Variants in HTR1F observed in about 807,000 individuals in gnomAD.
HTR1F encodes the protein 5-hydroxytryptamine receptor 1F.
In HTR1F, 17 loss-of-function variants were observed where a neutral mutation model predicts 24.0. The observed-to-expected ratio is 0.71, with a 90% CI of 0.48 to 1.06. The LOEUF is 1.06. Among genes scored for constraint, HTR1F ranks in the 50% least tolerant of loss-of-function variants. The probability of loss-of-function intolerance (pLI) is 0.00; values close to 1 mark genes in which losing one functional copy is unlikely to be tolerated. For synonymous variants in HTR1F, 186 were observed against 156.8 expected, an observed-to-expected ratio of 1.19 and a Z score of -1.39; for missense variants, 391 against 427.8, an observed-to-expected ratio of 0.91 and a Z score of 0.76.
chr3:87,912,633 C>CAAAAAAAAAA (rs35147140), intron 2 of HTR1F, among the ~76,000 whole-genome samples: 1 of 84,492 alleles, frequency 1.2e-5, no homozygotes, highest in Non-Finnish European at 2.3e-5. Context: ...CAATCCTAGG[C>CAAAAAAAAAA]AAAAAAAAAA....
intron 2 of HTR1F, among the ~76,000 whole-genome samples, chr3:87,919,268 T>C (rs1025570997): frequency 2.0e-5 from 3 of 151,938 alleles, no homozygotes; most frequent in Admixed American, 1.3e-4. Context: ...ACTATAAAAA[T>C]CCTAGAAGAT....
intron 2 of HTR1F, among the ~76,000 whole-genome samples, chr3:87,860,117 T>C (rs1298582442): frequency 6.6e-6 from 1 of 152,132 alleles, no homozygotes; most frequent in Non-Finnish European, 1.5e-5. Context: ...GATATAGAAT[T>C]TTGCTGAGAA....
At chr3:87,849,404 T>A (rs1705027750) in intron 2 of HTR1F, among the ~76,000 whole-genome samples, 1 of 151,830 alleles carries the variant, frequency 6.6e-6, no homozygotes, top group Non-Finnish European at 1.5e-5. Context: ...TGGCTAGCCA[T>A]ATGTAGAAAG....
intron 2 of HTR1F, among the ~76,000 whole-genome samples, chr3:87,905,877 C>G (rs1703657063): frequency 1.3e-5 from 2 of 151,812 alleles, no homozygotes; most frequent in South Asian, 4.1e-4. Context: ...TGATAAACTG[C>G]AAGGAAATAT....
Position 87,842,575 on chromosome 3 carries a change from T to C in HTR1F, c.-43+20451T>C, listed in dbSNP as rs990388165. Among the ~76,000 whole-genome samples the C allele has an allele frequency of 2.8e-4, 43 of 152,010 alleles. 1 individual carries two copies. Among genetic ancestry groups the C allele is most frequent in the African/African-American group, 9.0e-4 (37 of 41,338 alleles). ...ATTAAGTTTCAATAAAATAATTTCC[T>C]GGGGAAAAAAACCGTCTTAAATAAT... On this transcript the variant is annotated intron_variant, in intron 2 of 2. Transcript: ENST00000319595.
chr3:87,993,467 G>A lies in HTR1F; in HGVS notation c.*1617G>A, dbSNP rs373541649. On this transcript the variant is annotated 3_prime_UTR_variant, in exon 3 of 3. Coordinates refer to ENST00000319595, the MANE Select transcript of HTR1F (RefSeq NM_001322209.2). ...AAGTTGTTTACACAGTTATGATGGT[G>A]CAGAGGAAAAACTGATCGCATCTTG... is the stretch of plus-strand genomic sequence containing the variant. The A allele has an allele frequency of 5.4e-5, 9 of 167,030 alleles. No individual in the cohort carries two copies. Among genetic ancestry groups the A allele is most frequent in the African/African-American group, 1.4e-4 (6 of 41,556 alleles). 10.3% of individuals were successfully genotyped at this position (167,030 alleles called of 1,614,324 possible). A position where few individuals can be genotyped will look rare whatever the true frequency, so the allele number is the denominator to read the frequency against.
chr3:87,946,183 C>T (rs1232363656), intron 2 of HTR1F, among the ~76,000 whole-genome samples: 1 of 152,212 alleles, frequency 6.6e-6, no homozygotes, highest in Non-Finnish European at 1.5e-5. Context: ...ATCAGGAGCA[C>T]AGCGGACACC....
chr3:87,929,464 G>A (rs1351634159), intron 2 of HTR1F, among the ~76,000 whole-genome samples: 1 of 152,152 alleles, frequency 6.6e-6, no homozygotes, highest in Non-Finnish European at 1.5e-5. Flanking sequence ...TAACTTCTCT[G>A]TATTGGGAAT....
chr3:87,837,477 C>T (rs1229178594), intron 2 of HTR1F, among the ~76,000 whole-genome samples: 1 of 152,022 alleles, frequency 6.6e-6, no homozygotes, highest in Non-Finnish European at 1.5e-5. Flanking sequence ...GGCAAGTTCA[C>T]AATCCGGAAG....
chr3:87,986,306 G>A (rs1218744685), intron 2 of HTR1F, among the ~76,000 whole-genome samples: 2 of 152,036 alleles, frequency 1.3e-5, no homozygotes, highest in African/African-American at 2.4e-5. Context: ...AAAACCCAAC[G>A]CCATTGGTTG....
In HTR1F at chr3:87,805,979, T is replaced by C. The variant is rs541611135; in HGVS notation, c.-160+13137T>C. On this transcript the variant is annotated intron_variant, in intron 1 of 2. Transcript: ENST00000319595. ...CATTACTTTCATGAGAGCAACTTTTTTTAGCTCACAAATATGAGTAAGAAC... is the reference window on the plus strand; with the variant it reads ...CATTACTTTCATGAGAGCAACTTTTCTTAGCTCACAAATATGAGTAAGAAC... Among the ~76,000 whole-genome samples, 4 of 152,206 alleles carry C rather than the reference T, an allele frequency of 2.6e-5. No individual in the cohort carries two copies. The East Asian group carries it at 7.7e-4, about 29-fold the overall frequency.
chr3:87,931,859 T>A (rs535698027), intron 2 of HTR1F, among the ~76,000 whole-genome samples: 189 of 150,618 alleles, frequency 1.3e-3, no homozygotes, highest in Admixed American at 4.0e-3. Context: ...TTGAGAAGTG[T>A]CTGTTCATAT....
At chr3:87,922,721 G>A (rs1019863937) in intron 2 of HTR1F, among the ~76,000 whole-genome samples, 6 of 151,892 alleles carry the variant, frequency 4.0e-5, no homozygotes, top group African/African-American at 1.4e-4. Flanking sequence ...ATGGGGTGTA[G>A]TTTCATTCTT....
chr3:87,909,722 C>G (rs2915288), intron 2 of HTR1F, among the ~76,000 whole-genome samples: 74,778 of 151,758 alleles, frequency 0.49, 21,265 homozygotes, highest in African/African-American at 0.8. Context: ...AACAGACAGC[C>G]CCAGAGTCTT....
intron 2 of HTR1F, among the ~76,000 whole-genome samples, chr3:87,885,974 T>A (rs187309574): frequency 5.9e-4 from 90 of 152,280 alleles, no homozygotes; most frequent in African/African-American, 2.1e-3. Context: ...GAGGGAATCC[T>A]CCCTAACTCA....
chr3:87,990,113 A>G (rs1162087667), intron 2 of HTR1F, among the ~76,000 whole-genome samples: 2 of 152,152 alleles, frequency 1.3e-5, no homozygotes, highest in Non-Finnish European at 2.9e-5. Context: ...TTAGACCCCA[A>G]TAAACTTGTT....
At chr3:87,949,404 A>T (rs533276373) in intron 2 of HTR1F, among the ~76,000 whole-genome samples, 55 of 152,284 alleles carry the variant, frequency 3.6e-4, no homozygotes, top group African/African-American at 1.3e-3. Context: ...TCCTCTACTC[A>T]GTCCTTAGAA....
intron 1 of HTR1F, among the ~76,000 whole-genome samples, chr3:87,813,109 A>G (rs1444717419): frequency 6.6e-6 from 1 of 152,186 alleles, no homozygotes; most frequent in African/African-American, 2.4e-5. Context: ...AGTTGTGAGA[A>G]GAGGGTCACC....
intron 2 of HTR1F, among the ~76,000 whole-genome samples, chr3:87,827,314 G>T (rs1490181268): frequency 1.3e-5 from 2 of 151,728 alleles, no homozygotes; most frequent in African/African-American, 4.8e-5. Context: ...TGTTGTCATT[G>T]TTCAGCTCCC....
Sources: allele counts gnomAD v4.1 joint callset (sites outside exome capture counted in the v4.1 genomes callset), GRCh38; gene constraint gnomAD v4.1.1; transcripts MANE v1.5; gene names NCBI Gene and HGNC (gene_info 2026-07-23, HGNC 2026-07-21).